ABR: variants seen among roughly 807,000 people sequenced by gnomAD.
The protein encoded by ABR is ABR activator of RhoGEF and GTPase, also known as active breakpoint cluster region-related protein.
ABR carries 35 observed loss-of-function variants against 107.2 expected under a neutral mutation model. The observed-to-expected ratio is 0.33, with a 90% CI of 0.25 to 0.43. The LOEUF (loss-of-function observed/expected upper bound fraction) is 0.43, where lower values mean the gene tolerates loss of function less well. ABR is among the 20% of genes least tolerant of loss of function. The pLI, the probability that ABR is intolerant of heterozygous loss-of-function variation, is 1.00. For synonymous variants in ABR, 498 were observed against 462.0 expected (o/e 1.08, Z -1.00); for missense variants, 815 against 1,115.2 (o/e 0.73, Z 3.83).
intron 8 of ABR, among the ~76,000 whole-genome samples, chr17:1,072,413 G>C (rs2035311594): frequency 7.3e-6 from 1 of 137,124 alleles, no homozygotes; most frequent in Non-Finnish European, 1.6e-5. Context: ...GTGAGAGAAG[G>C]GGACGAGGGA....
chr17:1,179,798 G>T lies in ABR; in HGVS notation c.-71C>A. ...GCAACAAAGGAGGGAGAGCGGGCGG[G>T]AGCCGGGGGAGGCCGAAGTTGCGAG... On this transcript the variant is annotated 5_prime_UTR_variant, in exon 1 of 23. Transcript: ENST00000302538. This position sits in a 1 kb window ranked among gnomAD's most constrained non-coding sequence, Gnocchi z 4.9. 5.5e-6 allele frequency: 2 copies of T among 366,196 alleles called. No individual in the cohort carries two copies. The highest frequency in any genetic ancestry group is 2.2e-5 in the South Asian group (1 of 44,868). The allele number at this position is 366,196 out of a possible 1,614,324, so 22.7% of individuals were successfully genotyped here.
intron 4 of ABR, among the ~76,000 whole-genome samples, chr17:1,090,065 C>T (rs980530784): frequency 6.6e-6 from 1 of 152,190 alleles, no homozygotes; most frequent in Admixed American, 6.5e-5. Context: ...CTGCATTTGG[C>T]GACTTGGAAA....
intron 2 of ABR, among the ~76,000 whole-genome samples, chr17:1,113,898 T>C (rs1432498914): frequency 2.0e-5 from 3 of 152,202 alleles, no homozygotes; most frequent in African/African-American, 7.2e-5. Flanking sequence ...CCGGGTGCAG[T>C]GGCTTACGCC....
At position 1,135,901 on chromosome 17, in the gene ABR, G is replaced by C. The variant is rs141660310; in HGVS notation, c.62-10534C>G. On this transcript the variant is annotated intron_variant, in intron 1 of 22. Transcript: ENST00000302538. ...AAAAAAAATAAACAAATAAAGTCAGGTAATGTGATTCTTCCAGTTTTGTTA... is the reference window on the plus strand; with the variant it reads ...AAAAAAAATAAACAAATAAAGTCAGCTAATGTGATTCTTCCAGTTTTGTTA... 2.8e-3 allele frequency among the ~76,000 whole-genome samples: 424 copies of C among 152,078 alleles called. 2 individuals carry two copies. Among genetic ancestry groups the C allele is most frequent in the African/African-American group, 9.7e-3 (404 of 41,486 alleles).
Position 1,179,883 on chromosome 17 carries a change from C to A in ABR, c.-156G>T, listed in dbSNP as rs2042063535. On this transcript the variant is annotated 5_prime_UTR_variant, in exon 1 of 23. Transcript: ENST00000302538. The surrounding 1 kb of genome is among the most constrained non-coding windows in gnomAD (Gnocchi z 4.9). ...CGGGAGGAGCGCGGGGCGGCCGGGG[C>A]AGGGGCGAGGGCGGGGCGGGAGCCC... 2 of 680,596 alleles carry A rather than the reference C, an allele frequency of 2.9e-6. No homozygotes were observed. Among genetic ancestry groups the A allele is most frequent in the Non-Finnish European group, 4.3e-6 (2 of 462,534 alleles). The allele number at this position is 680,596 out of a possible 1,614,324, so 42.2% of individuals were successfully genotyped here.
intron 2 of ABR, among the ~76,000 whole-genome samples, chr17:1,111,981 G>A (rs1167880197): frequency 2.6e-5 from 4 of 152,198 alleles, no homozygotes. Context: ...TTCTGTTAGT[G>A]CGGCCGCCAT....
At chr17:1,079,543 C>T (rs758823438) in intron 5 of ABR, among the ~76,000 whole-genome samples, 153 bp from the exon 6 acceptor site, 9 of 152,054 alleles carry the variant, frequency 5.9e-5, no homozygotes, top group Non-Finnish European at 1.3e-4. Flanking sequence ...CATCCCAGCA[C>T]TTTGAGAGGC....
intron 10 of ABR, among the ~76,000 whole-genome samples, chr17:1,064,515 CT>C (rs2151129285): frequency 1.5e-5 from 2 of 129,720 alleles, no homozygotes; most frequent in East Asian, 4.4e-4. Context: ...GAACTGAGGG[CT>C]ATGCATGTTC....
At chr17:1,058,209 G>A (rs368929745) in intron 11 of ABR, among the ~76,000 whole-genome samples, 164 bp from the exon 12 acceptor site, 2 of 135,666 alleles carry the variant, frequency 1.5e-5, no homozygotes, top group African/African-American at 2.8e-5. Flanking sequence ...GCAAAATCTC[G>A]GCTCACTGCA....
At chr17:1,194,792 TA>T (rs201701582) in intron 1 of ABR, among the ~76,000 whole-genome samples, 2,084 of 124,592 alleles carry the variant, frequency 0.017, 303 homozygotes, top group African/African-American at 0.053. Flanking sequence ...TAGCTGGGAT[TA>T]CAGGCATGTG....
chr17:1,153,558 G>A (rs1359556924), intron 1 of ABR, among the ~76,000 whole-genome samples: 11 of 119,294 alleles, frequency 9.2e-5, no homozygotes, highest in African/African-American at 2.1e-4. Context: ...CGGGAGGGCT[G>A]GGGGTCCAGG....
intron 16 of ABR, among the ~76,000 whole-genome samples, chr17:1,046,202 C>T (rs201802899): frequency 8.4e-5 from 8 of 94,722 alleles, no homozygotes; most frequent in South Asian, 7.1e-4. Context: ...GACGGGGTTT[C>T]GCCATGTTGG....
Position 1,051,588 on chromosome 17 carries a change from T to A in ABR, c.1562-954A>T, listed in dbSNP as rs1198368191. Among the ~76,000 whole-genome samples, 1 of 152,016 alleles carries A rather than the reference T, an allele frequency of 6.6e-6. No individual in the cohort carries two copies. The highest frequency in any genetic ancestry group is 1.9e-4 in the East Asian group (1 of 5,178). On this transcript the variant is annotated intron_variant, in intron 14 of 22. Transcript: ENST00000302538. This position sits in a 1 kb window ranked among gnomAD's most constrained non-coding sequence, Gnocchi z 4.3. ...CCGCCCTGGGCTCGGACCCCAGCAG[T>A]CCTCCCACCTCCAGGGAGATGCCGA... is the stretch of plus-strand genomic sequence containing the variant.
At chr17:1,017,764 G>C (rs2071276036) in intron 16 of ABR, among the ~76,000 whole-genome samples, 1 of 151,794 alleles carries the variant, frequency 6.6e-6, no homozygotes, top group South Asian at 2.1e-4. Flanking sequence ...CACCATGCCT[G>C]GCCAATTTTT....
At chr17:1,193,762 CT>C (rs2042487376) in intron 1 of ABR, among the ~76,000 whole-genome samples, 1 of 152,182 alleles carries the variant, frequency 6.6e-6, no homozygotes, top group Non-Finnish European at 1.5e-5. Context: ...ACAATCTCGG[CT>C]CACTGCATCC....
Position 1,157,845 on chromosome 17 carries a change from A to G in ABR, c.61+21822T>C, listed in dbSNP as rs1368623371. ...GGGTGCACTCAGCCCCGTATCATTC[A>G]TGCTGCAGGTCAGCCTAGGAAGGGA... On this transcript the variant is annotated intron_variant, in intron 1 of 22. Coordinates refer to ENST00000302538, the MANE Select transcript of ABR (RefSeq NM_021962.5). This position sits in a 1 kb window ranked among gnomAD's most constrained non-coding sequence, Gnocchi z 4.7. 1.3e-5 allele frequency among the ~76,000 whole-genome samples: 2 copies of G among 152,232 alleles called. No homozygotes were observed. Among genetic ancestry groups the G allele is most frequent in the African/African-American group, 2.4e-5 (1 of 41,462 alleles).
intron 1 of ABR, among the ~76,000 whole-genome samples, chr17:1,212,613 G>T (rs2042923924): frequency 6.6e-6 from 1 of 152,106 alleles, no homozygotes; most frequent in African/African-American, 2.4e-5. Flanking sequence ...AAATTGGCCG[G>T]GCATGGTGGC....
At chr17:1,187,676 G>A (rs1237367516), upstream of ABR, among the ~76,000 whole-genome samples, 1 of 152,022 alleles carries the variant, frequency 6.6e-6, no homozygotes, top group African/African-American at 2.4e-5. Context: ...GATCAGCTGA[G>A]GTCAGGAGTT....
Position 1,078,741 on chromosome 17 carries a change from C to T in ABR, c.700+589G>A. On this transcript the variant is annotated intron_variant, in intron 6 of 22. Coordinates refer to ENST00000302538, the MANE Select transcript of ABR (RefSeq NM_021962.5). This position sits in a 1 kb window ranked among gnomAD's most constrained non-coding sequence, Gnocchi z 7.5. ...TGCGGCCCTCTAACCTCCCCGGCCA[C>T]ATCTAAGCCCACTCCAGCCGGCCCC... The T allele has an allele frequency of 1.3e-6, 2 of 1,481,544 alleles. No homozygotes were observed. Among genetic ancestry groups the T allele is most frequent in the Non-Finnish European group, 1.8e-6 (2 of 1,099,942 alleles). 91.8% of individuals were successfully genotyped at this position (1,481,544 alleles called of 1,614,324 possible). A position where few individuals can be genotyped will look rare whatever the true frequency, so the allele number is the denominator to read the frequency against.
Sources: gnomAD v4.1 joint callset for allele counts (sites outside exome capture counted in the v4.1 genomes callset) on GRCh38, gnomAD v4.1.1 for gene constraint, Gnocchi (gnomAD v3.1) non-coding constraint, MANE v1.5 for transcripts, NCBI Gene and HGNC (gene_info 2026-07-23, HGNC 2026-07-21) for gene names.